Variants in SETBP1 observed in about 807,000 individuals in gnomAD.
SETBP1 encodes the protein SET binding protein 1.
In SETBP1, 9 loss-of-function variants were observed where a neutral mutation model predicts 101.0. The observed-to-expected ratio is 0.09, with a 90% CI of 0.05 to 0.16. The LOEUF (loss-of-function observed/expected upper bound fraction) is 0.16. Among genes scored for constraint, SETBP1 ranks in the 10% least tolerant of loss-of-function variants. The pLI, the probability that SETBP1 is intolerant of heterozygous loss-of-function variation, is 1.00. For synonymous variants in SETBP1, 818 were observed against 788.5 expected, an observed-to-expected ratio of 1.04 and a Z score of -0.63; for missense variants, 1,858 against 2,033.8, an observed-to-expected ratio of 0.91 and a Z score of 1.66.
chr18:44,877,006 G>A (rs1345828833), intron 3 of SETBP1: 10 of 1,187,226 alleles, frequency 8.4e-6, no homozygotes, highest in Non-Finnish European at 1.0e-5. Context: ...GGGCAGGCTT[G>A]ATCCCATGAG....
Position 44,951,409 on chromosome 18 carries a change from T to G in SETBP1, c.2069T>G (p.Leu690Arg). 6.2e-7 allele frequency: 1 copy of G among 1,614,140 alleles called. No individual in the cohort carries two copies. The highest frequency in any genetic ancestry group is 1.1e-5 in the South Asian group (1 of 91,072). The change falls in exon 4 of 6, where the codon CTG (leucine) becomes CGG (arginine). Residue 690 changes from leucine to arginine, a missense_variant. Leu to Arg is a moderately radical substitution (Grantham distance 102). Coordinates refer to ENST00000649279, the MANE Select transcript of SETBP1 (RefSeq NM_015559.3). This position sits in a 1 kb window ranked among gnomAD's most constrained non-coding sequence, Gnocchi z 7.8. ...TTGTCCTGTTCCAGCAGCGTTGCTC[T>G]GAAGGCAAAAGCTCCCCCAGAGACC... ...QILSCSSSVA[L>R]KAKAPPETSP...
At chr18:44,691,050 C>T (rs1223231879) in intron 1 of SETBP1, among the ~76,000 whole-genome samples, 1 of 152,046 alleles carries the variant, frequency 6.6e-6, no homozygotes, top group Non-Finnish European at 1.5e-5. Flanking sequence ...TCAGATGGCA[C>T]ACTGGTTTTA....
chr18:44,934,453 T>C (rs1638896732), intron 3 of SETBP1, among the ~76,000 whole-genome samples: 1 of 152,202 alleles, frequency 6.6e-6, no homozygotes, highest in Non-Finnish European at 1.5e-5. Context: ...CCAGCCTGTT[T>C]TCTCCATTTT....
At chr18:45,003,265 G>A (rs1599434379) in intron 4 of SETBP1, among the ~76,000 whole-genome samples, 1 of 152,168 alleles carries the variant, frequency 6.6e-6, no homozygotes, top group South Asian at 2.1e-4. Flanking sequence ...CCTCATCCAT[G>A]AGCATACAGG....
chr18:44,683,660 T>C (rs998549788), intron 1 of SETBP1, among the ~76,000 whole-genome samples: 1 of 152,200 alleles, frequency 6.6e-6, no homozygotes, highest in Non-Finnish European at 1.5e-5. Flanking sequence ...AATAGCTAGC[T>C]GGATGGGGCA....
rs1599168823 is a variant in SETBP1, at chr18:44,817,669, T to C, written c.487-51561T>C. ...CATTGCACTCCAACCCAGGTGACAGTGCGAGACTCCATCTCAAAAAAAAAA... is the reference window on the plus strand; with the variant it reads ...CATTGCACTCCAACCCAGGTGACAGCGCGAGACTCCATCTCAAAAAAAAAA... On this transcript the variant is annotated intron_variant, in intron 2 of 5. Transcript: ENST00000649279. Among the ~76,000 whole-genome samples the C allele has an allele frequency of 2.2e-5, 3 of 139,120 alleles. No homozygotes were observed. The Admixed American group carries it at 2.3e-4, about 11-fold the overall frequency. 91.3% of individuals were successfully genotyped at this position (139,120 alleles called of 152,430 possible).
chr18:44,788,065 C>T lies in SETBP1; in HGVS notation c.487-81165C>T, dbSNP rs368403753. Among the ~76,000 whole-genome samples, 10 of 150,646 alleles carry T rather than the reference C, an allele frequency of 6.6e-5. No homozygotes were observed. In the East Asian group the frequency reaches 9.7e-4, roughly 15 times the overall value. The stretch of plus-strand genomic sequence containing the variant: ...TTTAGAGATCAAAGATAAAATGTGG[C>T]ACCGGAAGGTAATGTCCCAGATGTT... On this transcript the variant is annotated intron_variant, in intron 2 of 5. Transcript: ENST00000649279.
intron 4 of SETBP1, among the ~76,000 whole-genome samples, chr18:44,998,257 C>T (rs1309039192): frequency 6.6e-6 from 1 of 152,242 alleles, no homozygotes; most frequent in Non-Finnish European, 1.5e-5. Flanking sequence ...TTCTAGCTGT[C>T]ACAGTTGTGT....
chr18:44,751,645 G>A (rs527731839), intron 2 of SETBP1, among the ~76,000 whole-genome samples: 10 of 152,250 alleles, frequency 6.6e-5, no homozygotes, highest in African/African-American at 2.2e-4. Context: ...AAACTTGAAA[G>A]GAGGAACTAT....
chr18:44,877,316 ACAAAGT>A (rs1239438425), intron 3 of SETBP1: 6 of 790,512 alleles, frequency 7.6e-6, no homozygotes, highest in Non-Finnish European at 9.2e-6. Context: ...TGGATTAAGG[ACAAAGT>A]ATCTGGTCCT....
intron 3 of SETBP1, among the ~76,000 whole-genome samples, chr18:44,884,776 G>T (rs896937836): frequency 6.6e-6 from 1 of 152,198 alleles, no homozygotes; most frequent in East Asian, 1.9e-4. Context: ...ACCTCAAAGA[G>T]TTTTTTGTTT....
chr18:44,994,871 AG>A (rs1203429187), intron 4 of SETBP1, among the ~76,000 whole-genome samples: 1 of 152,220 alleles, frequency 6.6e-6, no homozygotes, highest in African/African-American at 2.4e-5. Context: ...GAGGTTGGGC[AG>A]GGTTGCCATG....
At chr18:44,926,762 A>AAC (rs200942530) in intron 3 of SETBP1, among the ~76,000 whole-genome samples, 1 of 95,964 alleles carries the variant, frequency 1.0e-5, no homozygotes, top group African/African-American at 3.6e-5. Flanking sequence ...ACAAACAAAC[A>AAC]AACAACAACA....
intron 2 of SETBP1, among the ~76,000 whole-genome samples, chr18:44,836,285 C>T (rs182846174): frequency 6.6e-6 from 1 of 152,324 alleles, no homozygotes; most frequent in Admixed American, 6.5e-5. Context: ...GCTTAACCTG[C>T]TGCCTTCATT....
chr18:45,003,687 G>GAA (rs34433996), intron 4 of SETBP1, among the ~76,000 whole-genome samples: 9 of 135,540 alleles, frequency 6.6e-5, no homozygotes, highest in South Asian at 2.3e-4. Context: ...AATGTCATGG[G>GAA]AAAAAAAAAA....
chr18:44,854,221 T>C (rs1301573296), intron 2 of SETBP1, among the ~76,000 whole-genome samples: 5 of 151,942 alleles, frequency 3.3e-5, no homozygotes, highest in Non-Finnish European at 5.9e-5. Flanking sequence ...TCAGAATGAA[T>C]GTAGCAAGCA....
chr18:44,997,799 T>C (rs770802402), intron 4 of SETBP1, among the ~76,000 whole-genome samples: 13 of 152,100 alleles, frequency 8.5e-5, no homozygotes, highest in Admixed American at 3.9e-4. Flanking sequence ...AGGAAGAAAA[T>C]AAGTATAATA....
intron 2 of SETBP1, among the ~76,000 whole-genome samples, chr18:44,862,688 C>T (rs2069040967): frequency 6.6e-6 from 1 of 152,202 alleles, no homozygotes; most frequent in Admixed American, 6.5e-5. Flanking sequence ...ATAACAGATC[C>T]ATAGTACAAG....
chr18:44,680,737 C>G (rs1016671798), upstream of SETBP1, among the ~76,000 whole-genome samples: 6 of 151,978 alleles, frequency 3.9e-5, no homozygotes, highest in Non-Finnish European at 4.4e-5. Context: ...CTAATCTGAT[C>G]TACCCCCCCT....
Sources: allele counts gnomAD v4.1 joint callset (sites outside exome capture counted in the v4.1 genomes callset), GRCh38; gene constraint gnomAD v4.1.1; non-coding constraint Gnocchi (gnomAD v3.1); transcripts MANE v1.5; gene names NCBI Gene and HGNC (gene_info 2026-07-23, HGNC 2026-07-21).